Variants in CYP4F12 observed in about 807,000 individuals in gnomAD.
CYP4F12 encodes the protein cytochrome P450 4F12.
Under a neutral mutation model 56.5 loss-of-function variants are expected in CYP4F12, and 60 were observed. The ratio of observed to expected loss-of-function variants is 1.06; its 90% confidence interval spans 0.86 to 1.32. CYP4F12 has a LOEUF of 1.32. CYP4F12 is among the 40% of genes most tolerant of loss of function. The pLI is 0.00. For synonymous variants in CYP4F12, 263 were observed against 264.9 expected, an observed-to-expected ratio of 0.99 and a Z score of 0.07; for missense variants, 711 against 683.5, an observed-to-expected ratio of 1.04 and a Z score of -0.45.
chr19:15,681,182 TATTACATCATC>T (rs1248408736), intron 5 of CYP4F12: 4 of 157,802 alleles, frequency 2.5e-5, no homozygotes, highest in Non-Finnish European at 5.6e-5. Flanking sequence ...CTATTAGAGT[TATTACATCATC>T]ATTTCACCAC....
intron 6 of CYP4F12, among the ~76,000 whole-genome samples, chr19:15,682,837 G>A (rs115854510): frequency 0.017 from 2,593 of 152,096 alleles, 2 homozygotes; most frequent in African/African-American, 0.06. Flanking sequence ...TGTAGTTTCA[G>A]CTGATGATGG....
chr19:15,683,457 T>C, intron 6 of CYP4F12, 36 bp from the exon 7 acceptor site: 1 of 1,550,360 alleles, frequency 6.5e-7, no homozygotes, highest in Non-Finnish European at 8.7e-7. Context: ...TTGCATACGT[T>C]ACATTGTTGC....
chr19:15,687,189 A>G (rs1156912663), intron 9 of CYP4F12, among the ~76,000 whole-genome samples: 1 of 151,952 alleles, frequency 6.6e-6, no homozygotes, highest in Non-Finnish European at 1.5e-5. Context: ...AGGCAGGAGA[A>G]TGGCGTGAAC....
intron 12 of CYP4F12, 117 bp downstream of exon 12, chr19:15,696,629 T>A: frequency 7.7e-7 from 1 of 1,304,992 alleles, no homozygotes; most frequent in Non-Finnish European, 1.1e-6. Flanking sequence ...CTTCACAGTT[T>A]ATGGGAAAAC....
intron 9 of CYP4F12, among the ~76,000 whole-genome samples, chr19:15,688,480 C>G (rs1376570174): frequency 6.6e-6 from 1 of 151,846 alleles, no homozygotes; most frequent in East Asian, 1.9e-4. Flanking sequence ...CCAATGAAAA[C>G]ACATCCCATG....
At chr19:15,695,012 A>G (rs1362099218) in intron 9 of CYP4F12, among the ~76,000 whole-genome samples, 1 of 152,184 alleles carries the variant, frequency 6.6e-6, no homozygotes, top group Non-Finnish European at 1.5e-5. Flanking sequence ...GTATATACCC[A>G]AAGGACTATA....
At chr19:15,686,228 T>G (rs646901) in intron 9 of CYP4F12, among the ~76,000 whole-genome samples, 3,335 of 152,180 alleles carry the variant, frequency 0.022, 36 homozygotes, top group African/African-American at 0.077. Context: ...TGAAGTGGGA[T>G]AATCACTTGA....
chr19:15,677,241 C>T (rs2007000835), intron 2 of CYP4F12, among the ~76,000 whole-genome samples: 1 of 113,904 alleles, frequency 8.8e-6, no homozygotes, highest in African/African-American at 3.4e-5. Context: ...TCACTCATTC[C>T]TCTCCTCACT....
intron 9 of CYP4F12, among the ~76,000 whole-genome samples, chr19:15,693,357 A>G (rs915959291): frequency 6.6e-5 from 10 of 152,198 alleles, no homozygotes; most frequent in Admixed American, 4.6e-4. Context: ...TTGATCTTAA[A>G]TGTTTATAAA....
intron 5 of CYP4F12, chr19:15,682,143 G>A (rs1349522793): frequency 2.1e-5 from 8 of 379,656 alleles, no homozygotes; most frequent in Admixed American, 3.7e-5. Context: ...TGTTGACCAA[G>A]GGCACATAGA....
intron 5 of CYP4F12, 67 bp from the exon 6 acceptor site, chr19:15,682,322 T>G: frequency 6.3e-7 from 1 of 1,589,980 alleles, no homozygotes; most frequent in South Asian, 1.1e-5. Flanking sequence ...CATCCTGATG[T>G]TTGGGACTGG....
rs1443525709 is a variant in CYP4F12 at position 15,673,713 on chromosome 19, G to A, written c.184G>A (p.Gly62Ser). ...GCCCCCAAAACGGAACTGGTTTTGG[G>A]GTCACCTGGGCCTGGTGAGTGTGAC... ...PQPPKRNWFW[G>S]HLGLITPTEE... Residue 62 changes from glycine (G) to serine (S), a missense_variant, in exon 2 of 13, where the codon GGT becomes AGT. Coordinates refer to ENST00000550308, the MANE Select transcript of CYP4F12 (RefSeq NM_023944.4). The A allele has an allele frequency of 1.9e-6, 3 of 1,614,048 alleles. No homozygotes were observed. The highest frequency in any genetic ancestry group is 1.1e-5 in the South Asian group (1 of 91,082).
intron 9 of CYP4F12, among the ~76,000 whole-genome samples, chr19:15,687,900 G>A (rs2007694869): frequency 6.6e-6 from 1 of 152,154 alleles, no homozygotes; most frequent in African/African-American, 2.4e-5. Flanking sequence ...ACTAGCTCAG[G>A]TGAGGTCACA....
chr19:15,678,499 C>G, intron 3 of CYP4F12, 94 bp downstream of exon 3: 1 of 1,476,868 alleles, frequency 6.8e-7, no homozygotes, highest in East Asian at 2.3e-5. Flanking sequence ...TCGTGCCCCT[C>G]ATTGAGACTT....
chr19:15,687,465 A>T (rs1250907146), intron 9 of CYP4F12, among the ~76,000 whole-genome samples: 2 of 152,204 alleles, frequency 1.3e-5, no homozygotes, highest in Non-Finnish European at 2.9e-5. Flanking sequence ...GGTTGGAGGC[A>T]ATGTCAGTGT....
intron 9 of CYP4F12, among the ~76,000 whole-genome samples, chr19:15,692,268 G>A: frequency 6.6e-6 from 1 of 151,534 alleles, no homozygotes; most frequent in East Asian, 2.0e-4. Context: ...GGCTTTTTTT[G>A]TTGTTAAATC....
rs200416877 is a variant in CYP4F12, at chr19:15,673,662, T to C, written c.133T>C (p.Cys45Arg). Residue 45 changes from cysteine (C) to arginine (R), a missense_variant, in exon 2 of 13, where the codon TGC becomes CGC. By Grantham distance (180) the Cys-to-Arg change is radical. Coordinates refer to ENST00000550308, the MANE Select transcript of CYP4F12 (RefSeq NM_023944.4). ...LAWTYAFYNN[C>R]RRLQCFPQPP... is the part of the protein sequence containing the mutation. ...TTGGACCTATGCCTTCTATAACAAC[T>C]GCCGCCGGCTCCAGTGTTTCCCACA... The C allele has an allele frequency of 1.4e-4, 219 of 1,614,126 alleles. No homozygotes were observed. In the African/African-American group the frequency reaches 2.7e-3, roughly 20 times the overall value.
At position 15,695,969 on chromosome 19, in the gene CYP4F12, G is replaced by C. The variant is rs1344297809; in HGVS notation, c.1149G>C (p.Met383Ile). 1.9e-6 allele frequency: 3 copies of C among 1,613,912 alleles called. No individual in the cohort carries two copies. The highest frequency in any genetic ancestry group is 3.3e-5 in the Admixed American group (2 of 59,966). Residue 383 changes from methionine to isoleucine, a missense_variant, in exon 10 of 13, where the codon ATG (methionine) becomes ATC (isoleucine). Coordinates refer to ENST00000550308, the MANE Select transcript of CYP4F12 (RefSeq NM_023944.4). Reference protein sequence around the residue: ...DDLAQLPFLTMCVKESLRLHP... With the variant: ...DDLAQLPFLTICVKESLRLHP... ...TGGCCCAGCTGCCCTTCCTGACCATGTGCGTGAAGGAGAGCCTGAGGTTAC... is the reference window on the plus strand; with the variant it reads ...TGGCCCAGCTGCCCTTCCTGACCATCTGCGTGAAGGAGAGCCTGAGGTTAC...
At chr19:15,696,270 TTG>T (rs145964606) in intron 11 of CYP4F12, 45 bp downstream of exon 11, 923 of 1,472,048 alleles carry the variant, frequency 6.3e-4, no homozygotes, top group Admixed American at 1.4e-3. Context: ...TCCTCTACTT[TTG>T]TGTGTGTGTG....
Sources: gnomAD v4.1 joint callset for allele counts (sites outside exome capture counted in the v4.1 genomes callset) on GRCh38, gnomAD v4.1.1 for gene constraint, MANE v1.5 for transcripts, NCBI Gene and HGNC (gene_info 2026-07-23, HGNC 2026-07-21) for gene names.